Variants in UBXN7 observed in about 807,000 individuals in gnomAD.
UBXN7 encodes UBX domain protein 7.
UBXN7 carries 9 observed loss-of-function variants against 58.0 expected under a neutral mutation model. That is an observed-to-expected ratio of 0.16 (90% confidence interval 0.09 to 0.27). The LOEUF (loss-of-function observed/expected upper bound fraction) is 0.27. Ranked by LOEUF, UBXN7 falls within the 10% of genes least tolerant of loss-of-function variation. UBXN7 has a pLI of 1.00. For synonymous variants in UBXN7, 208 were observed against 205.0 expected, an observed-to-expected ratio of 1.01 and a Z score of -0.12; for missense variants, 328 against 599.6, an observed-to-expected ratio of 0.55 and a Z score of 4.73.
chr3:196,423,350 C>T lies in UBXN7; in HGVS notation c.73+8977G>A, dbSNP rs143999794. ...ATTGGCAACAAGCCCTCCAACAAGC[C>T]GGTCCCTGAGAGGAGCATGTGGACA... On this transcript the variant is annotated intron_variant, in intron 1 of 10. Coordinates refer to ENST00000296328, the MANE Select transcript of UBXN7 (RefSeq NM_015562.2). 6.1e-3 allele frequency: 1,030 copies of T among 168,512 alleles called. 47 individuals are homozygous for T. In the South Asian group the frequency reaches 0.087, roughly 14 times the overall value. 10.4% of individuals were successfully genotyped at this position (168,512 alleles called of 1,614,324 possible).
intron 1 of UBXN7, among the ~76,000 whole-genome samples, chr3:196,408,654 C>T (rs952475148): frequency 2.6e-5 from 4 of 152,150 alleles, no homozygotes; most frequent in East Asian, 1.9e-4. Context: ...GTCTTTATTT[C>T]GCTGTCATTC....
At chr3:196,377,794 G>A (rs547980519) in intron 5 of UBXN7, among the ~76,000 whole-genome samples, 3 of 152,098 alleles carry the variant, frequency 2.0e-5, no homozygotes, top group East Asian at 3.9e-4. Context: ...AGCCTCCTGA[G>A]TAGCTGCTGG....
At chr3:196,408,331 T>C (rs1730224157) in intron 1 of UBXN7, among the ~76,000 whole-genome samples, 1 of 152,172 alleles carries the variant, frequency 6.6e-6, no homozygotes, top group Non-Finnish European at 1.5e-5. Flanking sequence ...TTTTACAACA[T>C]GTATTCCAGA....
chr3:196,392,782 G>A (rs531532402), intron 4 of UBXN7, among the ~76,000 whole-genome samples: 36 of 152,174 alleles, frequency 2.4e-4, no homozygotes, highest in South Asian at 6.2e-4. Flanking sequence ...CAGCCTGGGT[G>A]ACAGAGCGAG....
chr3:196,364,748 G>A (rs1180002764), intron 8 of UBXN7, among the ~76,000 whole-genome samples: 1 of 151,114 alleles, frequency 6.6e-6, no homozygotes, highest in Non-Finnish European at 1.5e-5. Context: ...CCAGGCTGAA[G>A]TGCAGTGGCA....
In UBXN7 at chr3:196,349,368, C is replaced by G. The variant is rs1354885934; in HGVS notation, c.*7317G>C. ...GTGAAAGGGGATTTTCTGATGGCAA[C>G]AGTCACTCCGTGTAAGGTTTAACTT... is the stretch of plus-strand genomic sequence containing the variant. On this transcript the variant is annotated 3_prime_UTR_variant, in exon 11 of 11. Transcript: ENST00000296328. The G allele has an allele frequency of 1.3e-5, 2 of 152,202 alleles. No homozygotes were observed. The highest frequency in any genetic ancestry group is 2.9e-5 in the Non-Finnish European group (2 of 68,036). The allele number at this position is 152,202 out of a possible 1,614,324, so 9.4% of individuals were successfully genotyped here.
rs1728211399 is a variant in UBXN7, at chr3:196,351,466, T to A, written c.*5219A>T. The A allele has an allele frequency of 6.7e-6, 1 of 149,984 alleles. No homozygotes were observed. The highest frequency in any genetic ancestry group is 2.4e-5 in the African/African-American group (1 of 40,928). The allele number at this position is 149,984 out of a possible 1,614,324, so 9.3% of individuals were successfully genotyped here. On this transcript the variant is annotated 3_prime_UTR_variant, in exon 11 of 11. Coordinates refer to ENST00000296328, the MANE Select transcript of UBXN7 (RefSeq NM_015562.2). ...GATTAAGAGCAAGTTGTTGGTCAAATGATACCTGAACACAGAATAAAAAAA... is the reference window on the plus strand; with the variant it reads ...GATTAAGAGCAAGTTGTTGGTCAAAAGATACCTGAACACAGAATAAAAAAA...
chr3:196,422,889 AC>A (rs2108625483), intron 1 of UBXN7, among the ~76,000 whole-genome samples: 1 of 152,354 alleles, frequency 6.6e-6, no homozygotes, highest in East Asian at 1.9e-4. Flanking sequence ...AAACCACAGT[AC>A]AACCATACAA....
At chr3:196,424,094 T>C (rs1403107066) in intron 1 of UBXN7, among the ~76,000 whole-genome samples, 2 of 152,050 alleles carry the variant, frequency 1.3e-5, no homozygotes, top group Non-Finnish European at 2.9e-5. Context: ...TTTCACCATA[T>C]TGGCCAGGCT....
intron 1 of UBXN7, among the ~76,000 whole-genome samples, chr3:196,424,742 G>A (rs1463825260): frequency 7.6e-6 from 1 of 131,822 alleles, no homozygotes; most frequent in South Asian, 2.4e-4. Context: ...TCTCGCTGTC[G>A]CCCAGGCTGG....
chr3:196,412,601 G>A (rs2108619355), intron 1 of UBXN7, among the ~76,000 whole-genome samples: 1 of 152,158 alleles, frequency 6.6e-6, no homozygotes, highest in South Asian at 2.1e-4. Context: ...TGAAAGCAGG[G>A]TCTCAAAAAT....
intron 3 of UBXN7, among the ~76,000 whole-genome samples, chr3:196,402,624 A>T (rs1161987618): frequency 6.6e-6 from 1 of 152,226 alleles, no homozygotes; most frequent in Admixed American, 6.5e-5. Context: ...AAGGTAAGGC[A>T]TATCTAGAGA....
intron 5 of UBXN7, among the ~76,000 whole-genome samples, chr3:196,383,509 C>T (rs937551203): frequency 6.6e-6 from 1 of 152,210 alleles, no homozygotes; most frequent in Non-Finnish European, 1.5e-5. Flanking sequence ...CTTCTCAGCA[C>T]CACATCACAC....
At chr3:196,371,042 T>C (rs760353622) in intron 6 of UBXN7, among the ~76,000 whole-genome samples, 3 of 152,042 alleles carry the variant, frequency 2.0e-5, no homozygotes, top group Non-Finnish European at 2.9e-5. Context: ...GGAAAAATGA[T>C]ACAAGGTCTG....
At chr3:196,399,113 G>A (rs1256796065) in intron 3 of UBXN7, among the ~76,000 whole-genome samples, 2 of 152,108 alleles carry the variant, frequency 1.3e-5, no homozygotes, top group African/African-American at 2.4e-5. Flanking sequence ...ACTTCAGCTC[G>A]CTACTCTAAC....
chr3:196,362,617 T>C lies in UBXN7; in HGVS notation c.905A>G (p.His302Arg). The change falls in exon 9 of 11, where the codon CAT becomes CGT. Residue 302 changes from histidine to arginine, a missense_variant. By Grantham distance (29) the His-to-Arg change is conservative (BLOSUM62 0). Coordinates refer to ENST00000296328, the MANE Select transcript of UBXN7 (RefSeq NM_015562.2). ...AAIRASLQET[H>R]FDSTQTKQDS... ...CTGTTTTGTCTGTGTTGAATCAAAATGTGTTTCTTGTAAGGAGGCTCTGAT... is the reference window on the plus strand; with the variant it reads ...CTGTTTTGTCTGTGTTGAATCAAAACGTGTTTCTTGTAAGGAGGCTCTGAT... 1 of 1,614,168 alleles carries C rather than the reference T, an allele frequency of 6.2e-7. No individual in the cohort carries two copies. The highest frequency in any genetic ancestry group is 1.3e-5 in the African/African-American group (1 of 75,052).
At position 196,352,946 on chromosome 3, in the gene UBXN7, T is replaced by C. The variant is rs1024259054; in HGVS notation, c.*3739A>G. On this transcript the variant is annotated 3_prime_UTR_variant, in exon 11 of 11. Transcript: ENST00000296328. The surrounding 1 kb of genome is among the most constrained non-coding windows in gnomAD (Gnocchi z 4.1). ...TTGTTTTTTTACCCTTTTCATTTATTCTTGGCAAATAATGCCACGTGGCAA... is the reference window on the plus strand; with the variant it reads ...TTGTTTTTTTACCCTTTTCATTTATCCTTGGCAAATAATGCCACGTGGCAA... 6.6e-6 allele frequency: 1 copy of C among 152,242 alleles called. No individual in the cohort carries two copies. The highest frequency in any genetic ancestry group is 1.5e-5 in the Non-Finnish European group (1 of 68,038). 9.4% of individuals were successfully genotyped at this position (152,242 alleles called of 1,614,324 possible).
rs879201641 is a variant in UBXN7 at position 196,352,996 on chromosome 3, G to C, written c.*3689C>G. 3 of 152,140 alleles carry C rather than the reference G, an allele frequency of 2.0e-5. No homozygotes were observed. Among genetic ancestry groups the C allele is most frequent in the South Asian group, 2.1e-4 (1 of 4,828 alleles). 9.4% of individuals were successfully genotyped at this position (152,140 alleles called of 1,614,324 possible). A position where few individuals can be genotyped will look rare whatever the true frequency, so the allele number is the denominator to read the frequency against. On this transcript the variant is annotated 3_prime_UTR_variant, in exon 11 of 11. Coordinates refer to ENST00000296328, the MANE Select transcript of UBXN7 (RefSeq NM_015562.2). This position sits in a 1 kb window ranked among gnomAD's most constrained non-coding sequence, Gnocchi z 4.1. The stretch of plus-strand genomic sequence containing the variant: ...ATTTTACTTTCACATCTTCACCAGT[G>C]CATCATTTTAAAAAAGCAATAATCA...
At chr3:196,384,759 G>C (rs1729320677) in intron 5 of UBXN7, among the ~76,000 whole-genome samples, 1 of 152,016 alleles carries the variant, frequency 6.6e-6, no homozygotes, top group African/African-American at 2.4e-5. Flanking sequence ...AGCCCTTCAC[G>C]CTAAAAATTC....
Sources: allele counts gnomAD v4.1 joint callset (sites outside exome capture counted in the v4.1 genomes callset), GRCh38; gene constraint gnomAD v4.1.1; non-coding constraint Gnocchi (gnomAD v3.1); transcripts MANE v1.5; gene names NCBI Gene and HGNC (gene_info 2026-07-23, HGNC 2026-07-21).